The following EIF2AK4 variants were observed in gnomAD, a reference collection of about 807,000 sequenced individuals.
EIF2AK4 encodes eIF-2-alpha kinase GCN2.
A neutral mutation model predicts 211.1 loss-of-function variants in EIF2AK4; 139 were observed. That is an observed-to-expected ratio of 0.66 (90% CI 0.57 to 0.76). EIF2AK4 has a LOEUF of 0.76. EIF2AK4 is among the 30% of genes least tolerant of loss of function. The pLI is 0.00. For synonymous variants in EIF2AK4, 710 were observed against 751.3 expected (o/e 0.94, Z 0.90); for missense variants, 1,664 against 2,043.8 (o/e 0.81, Z 3.58).
At chr15:40,025,120 A>G (rs2035449026) in intron 32 of EIF2AK4, among the ~76,000 whole-genome samples, 1 of 152,166 alleles carries the variant, frequency 6.6e-6, no homozygotes, top group Non-Finnish European at 1.5e-5. Flanking sequence ...TGCAAAGGTG[A>G]TGGTAGTTCT....
chr15:39,972,832 A>G, intron 9 of EIF2AK4, 76 bp from the exon 10 acceptor site: 2 of 1,131,738 alleles, frequency 1.8e-6, no homozygotes, highest in South Asian at 1.3e-5. Flanking sequence ...AAATAAACCC[A>G]TAGTTAATGC....
At chr15:39,981,326 C>T (rs1420797298) in intron 13 of EIF2AK4, among the ~76,000 whole-genome samples, 5 of 151,692 alleles carry the variant, frequency 3.3e-5, no homozygotes, top group Non-Finnish European at 7.4e-5. Flanking sequence ...GCCCAGATCA[C>T]GTCATTGCAC....
chr15:40,015,652 T>C (rs2035294112), intron 27 of EIF2AK4, among the ~76,000 whole-genome samples: 2 of 152,190 alleles, frequency 1.3e-5, no homozygotes, highest in Non-Finnish European at 2.9e-5. Flanking sequence ...TTAACATTTT[T>C]TGGGTTTTTT....
At position 39,976,699 on chromosome 15, in the gene EIF2AK4, C is replaced by G. The variant is rs2034699183; in HGVS notation, c.2104C>G (p.Pro702Ala). Residue 702 changes from proline to alanine, a missense_variant, in exon 12 of 39, where the codon CCA becomes GCA. Around this residue, in one of 7 missense-constraint regions of EIF2AK4, gnomAD observed 206 missense variants for 201.9 expected, o/e 1.02. Transcript: ENST00000263791. The stretch of plus-strand genomic sequence containing the variant: ...GGACAGCGTAGAGGCCGCCGCGCCG[C>G]CACCCATCCTCAGCAGCTCGGTGGA... ...GLDSVEAAAP[P>A]PILSSSVEWS... 2 of 1,601,474 alleles carry G rather than the reference C, an allele frequency of 1.2e-6. No homozygotes were observed. The highest frequency in any genetic ancestry group is 1.7e-6 in the Non-Finnish European group (2 of 1,177,306).
intron 8 of EIF2AK4, 27 bp downstream of exon 8, chr15:39,965,870 C>T (rs771555366): frequency 6.2e-7 from 1 of 1,611,694 alleles, no homozygotes; most frequent in Non-Finnish European, 8.5e-7. Flanking sequence ...GCTGACTGAG[C>T]AAAAGGCCTA....
rs1386864747 is a variant in EIF2AK4 at position 39,998,279 on chromosome 15, T to G, written c.2869-452T>G. On this transcript the variant is annotated intron_variant, in intron 19 of 38. Transcript: ENST00000263791. ...GTGGTTTTTTTTTTTTGTTTTGTTTTTTTTTGCCTTTTTTCATCTGCATGT... is the reference window on the plus strand; with the variant it reads ...GTGGTTTTTTTTTTTTGTTTTGTTTGTTTTTGCCTTTTTTCATCTGCATGT... Among the ~76,000 whole-genome samples, 2 of 150,362 alleles carry G rather than the reference T, an allele frequency of 1.3e-5. 1 individual carries two copies. The highest frequency in any genetic ancestry group is 4.9e-5 in the African/African-American group (2 of 41,158).
At chr15:39,985,398 C>G (rs1448987689) in intron 13 of EIF2AK4, among the ~76,000 whole-genome samples, 2 of 152,088 alleles carry the variant, frequency 1.3e-5, no homozygotes, top group Non-Finnish European at 2.9e-5. Context: ...TTTTCTATTG[C>G]TTGGAATAGT....
chr15:39,963,843 C>T (rs73386697), intron 7 of EIF2AK4, among the ~76,000 whole-genome samples: 2,718 of 152,198 alleles, frequency 0.018, 94 homozygotes, highest in African/African-American at 0.062. Flanking sequence ...ATTTTTTAAA[C>T]CCCAGCAACT....
intron 21 of EIF2AK4, among the ~76,000 whole-genome samples, chr15:40,001,859 C>T (rs2035097298): frequency 6.6e-6 from 1 of 152,058 alleles, no homozygotes; most frequent in Non-Finnish European, 1.5e-5. Context: ...TTCAGAATCT[C>T]ATTAAAAGCT....
chr15:39,960,046 C>T (rs182601126), intron 6 of EIF2AK4, among the ~76,000 whole-genome samples: 2 of 151,980 alleles, frequency 1.3e-5, no homozygotes, highest in African/African-American at 4.8e-5. Flanking sequence ...GGCCTATAGT[C>T]CCAGCTACTC....
chr15:40,032,722 G>A (rs1000147448), intron 36 of EIF2AK4, 35 bp from the exon 37 acceptor site: 2 of 1,603,068 alleles, frequency 1.2e-6, no homozygotes, highest in East Asian at 2.2e-5. Context: ...GTATTGTGCT[G>A]CTGAGAGTTG....
chr15:40,000,380 A>C (rs1429309774), intron 20 of EIF2AK4, among the ~76,000 whole-genome samples: 1 of 152,156 alleles, frequency 6.6e-6, no homozygotes, highest in Non-Finnish European at 1.5e-5. Context: ...CTCCTTATAA[A>C]TCTTTATTAT....
intron 16 of EIF2AK4, 139 bp downstream of exon 16, chr15:39,990,516 T>A: frequency 1.4e-6 from 1 of 725,564 alleles, no homozygotes; most frequent in Non-Finnish European, 2.3e-6. Flanking sequence ...CCTGAAGGGG[T>A]ATGCTGCAAA....
chr15:39,954,056 C>A, intron 5 of EIF2AK4, 72 bp downstream of exon 5: 1 of 1,242,410 alleles, frequency 8.0e-7, no homozygotes, highest in Non-Finnish European at 1.1e-6. Flanking sequence ...CTGATGACAT[C>A]TGTGTTACTA....
intron 5 of EIF2AK4, among the ~76,000 whole-genome samples, chr15:39,955,094 C>A (rs934121779): frequency 1.3e-5 from 2 of 152,226 alleles, no homozygotes; most frequent in East Asian, 3.8e-4. Context: ...TCCTGTCTTG[C>A]TCCTGACCTG....
chr15:39,971,329 G>C (rs1224257647), intron 9 of EIF2AK4, among the ~76,000 whole-genome samples: 1 of 152,126 alleles, frequency 6.6e-6, no homozygotes, highest in Non-Finnish European at 1.5e-5. Context: ...TTCAAGACCA[G>C]CCTGGCCAAC....
chr15:39,985,725 G>A (rs2034855570), intron 13 of EIF2AK4, 80 bp from the exon 14 acceptor site: 3 of 1,370,730 alleles, frequency 2.2e-6, no homozygotes, highest in Non-Finnish European at 3.1e-6. Context: ...TTGGGGGTGG[G>A]CACAAATACT....
intron 21 of EIF2AK4, 114 bp from the exon 22 acceptor site, chr15:40,002,598 GT>G: frequency 9.1e-7 from 1 of 1,099,456 alleles, no homozygotes. Flanking sequence ...GTCAAGACTT[GT>G]TTTTTGAACC....
chr15:40,003,049 A>C, intron 22 of EIF2AK4, 144 bp from the exon 23 acceptor site: 1 of 1,261,840 alleles, frequency 7.9e-7, no homozygotes, highest in Non-Finnish European at 1.1e-6. Context: ...CTCTATTTAT[A>C]AATTTAGAGA....
Sources: gnomAD v4.1 joint callset for allele counts (sites outside exome capture counted in the v4.1 genomes callset) on GRCh38, gnomAD v4.1.1 for gene constraint, gnomAD v4.1.1 regional missense constraint, MANE v1.5 for transcripts, NCBI Gene and HGNC (gene_info 2026-07-23, HGNC 2026-07-21) for gene names.